The following TMEM44 variants were observed in gnomAD, a reference collection of about 807,000 sequenced individuals.
The protein encoded by TMEM44 is transmembrane protein 44.
A neutral mutation model predicts 47.8 loss-of-function variants in TMEM44; 43 were observed. The ratio of observed to expected loss-of-function variants is 0.90; its 90% confidence interval spans 0.70 to 1.16. TMEM44 has a LOEUF of 1.16. Ranked by LOEUF, TMEM44 falls within the 50% of genes most tolerant of loss-of-function variation. The pLI is 0.00. For missense variants in TMEM44, 568 were observed against 555.2 expected (o/e 1.02, Z -0.23); for synonymous variants, 277 against 238.8 (o/e 1.16, Z -1.48).
chr3:194,600,682 C>T (rs55928086), intron 9 of TMEM44, among the ~76,000 whole-genome samples: 63,201 of 151,736 alleles, frequency 0.42, 13,803 homozygotes, highest in East Asian at 0.77. Flanking sequence ...ACCTGGGAGG[C>T]GGAGATTGCA....
At chr3:194,616,963 C>T (rs1715964914) in intron 6 of TMEM44, 136 bp downstream of exon 6, 1 of 997,776 alleles carries the variant, frequency 1.0e-6, no homozygotes, top group Admixed American at 3.3e-5. Flanking sequence ...CTGCCCCAAG[C>T]TTCAAACCAC....
rs1553824476 is a variant in TMEM44, at chr3:194,594,165, A to ATATC, written c.1177-5530_1177-5527dup. ...TATCTATCTATCTATCTATCTATCT[A>ATATC]TATCTATCTATCTGTGTATGATGGA... On this transcript the variant is annotated intron_variant, in intron 9 of 9. Transcript: ENST00000347147. Among the ~76,000 whole-genome samples, 745 of 76,520 alleles carry ATATC rather than the reference A, an allele frequency of 9.7e-3. 6 individuals carry two copies. Among genetic ancestry groups the ATATC allele is most frequent in the African/African-American group, 0.024 (699 of 28,770 alleles). The allele number at this position is 76,520 out of a possible 152,430, so 50.2% of individuals were successfully genotyped here.
At chr3:194,616,198 C>G (rs553286300) in intron 6 of TMEM44, among the ~76,000 whole-genome samples, 2 of 152,058 alleles carry the variant, frequency 1.3e-5, no homozygotes, top group African/African-American at 4.8e-5. Context: ...ATTACGGGCA[C>G]CTGCCATCAT....
At chr3:194,622,096 C>T (rs1012225128) in intron 5 of TMEM44, among the ~76,000 whole-genome samples, 4 of 152,252 alleles carry the variant, frequency 2.6e-5, no homozygotes, top group Non-Finnish European at 4.4e-5. Flanking sequence ...GAACAGTTGT[C>T]TCAGAGTCGT....
At chr3:194,625,804 G>A (rs1717101641) in intron 3 of TMEM44, 93 bp downstream of exon 3, 2 of 1,162,792 alleles carry the variant, frequency 1.7e-6, no homozygotes, top group African/African-American at 3.0e-5. Flanking sequence ...GTGCCTGGCT[G>A]GGGCCCGCTC....
chr3:194,593,139 A>G, intron 9 of TMEM44: 1 of 1,548,676 alleles, frequency 6.5e-7, no homozygotes, highest in Non-Finnish European at 8.9e-7. Context: ...ACAGCAGAGC[A>G]GAGCTCAGGA....
At chr3:194,629,983 C>G (rs13078754) in intron 1 of TMEM44, among the ~76,000 whole-genome samples, 1 of 65,190 alleles carries the variant, frequency 1.5e-5, no homozygotes, top group African/African-American at 6.2e-5. Context: ...TGATAGGGCC[C>G]CTGAAATAGT....
intron 2 of TMEM44, among the ~76,000 whole-genome samples, chr3:194,626,850 A>AT (rs1177082454): frequency 4.3e-5 from 6 of 141,100 alleles, no homozygotes; most frequent in Non-Finnish European, 7.7e-5. Flanking sequence ...CGCCCGGCTA[A>AT]TTTTTTTTTG....
intron 6 of TMEM44, chr3:194,616,396 T>TA: frequency 2.9e-6 from 1 of 348,180 alleles, no homozygotes; most frequent in Non-Finnish European, 5.7e-6. Context: ...CTGATACAAT[T>TA]AGACAATGAA....
chr3:194,604,667 C>G (rs898823), intron 8 of TMEM44, among the ~76,000 whole-genome samples: 19,330 of 152,230 alleles, frequency 0.13, 2,773 homozygotes, highest in African/African-American at 0.36. Flanking sequence ...ACAACCAAAT[C>G]CACGTACACA....
chr3:194,621,313 G>A (rs984972737), intron 5 of TMEM44, among the ~76,000 whole-genome samples: 2 of 152,136 alleles, frequency 1.3e-5, no homozygotes, highest in Admixed American at 1.3e-4. Context: ...TGGCCCTGCC[G>A]GCACCTTGCT....
At chr3:194,606,487 A>C (rs1190750059) in intron 8 of TMEM44, among the ~76,000 whole-genome samples, 1 of 152,194 alleles carries the variant, frequency 6.6e-6, no homozygotes, top group Non-Finnish European at 1.5e-5. Flanking sequence ...GGCAGCACAG[A>C]GAGCATATTC....
intron 7 of TMEM44, among the ~76,000 whole-genome samples, 193 bp downstream of exon 7, chr3:194,615,376 G>A (rs1715765577): frequency 6.6e-6 from 1 of 152,210 alleles, no homozygotes; most frequent in Non-Finnish European, 1.5e-5. Flanking sequence ...TAAACAGGAA[G>A]GGCCCGTTAC....
chr3:194,630,464 A>C (rs571214307), intron 1 of TMEM44, among the ~76,000 whole-genome samples: 1 of 26,218 alleles, frequency 3.8e-5, no homozygotes, highest in Admixed American at 4.4e-4. Flanking sequence ...GGCTGTTTCC[A>C]TCGGCGTCAC....
Position 194,623,984 on chromosome 3 carries a change from G to C in TMEM44, c.359-289C>G, listed in dbSNP as rs142387819. 2.5e-3 allele frequency among the ~76,000 whole-genome samples: 374 copies of C among 152,276 alleles called. 2 individuals carry two copies. The highest frequency in any genetic ancestry group is 8.6e-3 in the African/African-American group (358 of 41,540). On this transcript the variant is annotated intron_variant, in intron 3 of 9. Transcript: ENST00000347147. Reference sequence around the variant, plus strand: ...CTCTCTATGCATCTGCGTGCAGACAGCAGTGCCTCTTCTGGACTAGAGCGC... The same window carrying C: ...CTCTCTATGCATCTGCGTGCAGACACCAGTGCCTCTTCTGGACTAGAGCGC...
Position 194,588,334 on chromosome 3 carries a change from T to C in TMEM44, c.*195A>G. ...CGAATGCTGGGCCTATCCAGGTCTGTCCGCAGTACCCAAAGTCGTAGCTCC... is the reference window on the plus strand; with the variant it reads ...CGAATGCTGGGCCTATCCAGGTCTGCCCGCAGTACCCAAAGTCGTAGCTCC... On this transcript the variant is annotated 3_prime_UTR_variant, in exon 10 of 10. Coordinates refer to ENST00000347147, the MANE Select transcript of TMEM44 (RefSeq NM_001011655.3). 3.4e-6 allele frequency: 2 copies of C among 582,308 alleles called. No individual in the cohort carries two copies. Among genetic ancestry groups the C allele is most frequent in the Non-Finnish European group, 6.1e-6 (2 of 328,100 alleles). The allele number at this position is 582,308 out of a possible 1,614,324, so 36.1% of individuals were successfully genotyped here.
chr3:194,628,259 G>A, intron 2 of TMEM44, 124 bp downstream of exon 2: 1 of 1,314,906 alleles, frequency 7.6e-7, no homozygotes. Flanking sequence ...CACAGGTTCT[G>A]AGGTGACACT....
At position 194,623,625 on chromosome 3, in the gene TMEM44, C is replaced by T; in HGVS notation, c.429G>A (p.Leu143=). Residue 143 remains leucine, a synonymous_variant, in exon 4 of 10, where the codon CTG becomes CTA. Coordinates refer to ENST00000347147, the MANE Select transcript of TMEM44 (RefSeq NM_001011655.3). ...ACAGAGCCCAGCACGGGCCCAGGCT[C>T]AGCGGCAGGGCCAGGGCAAACACAC... The part of the protein sequence containing the change: ...RASVFALALP[L]SLGPCWALWV... The T allele has an allele frequency of 1.2e-6, 2 of 1,612,984 alleles. No homozygotes were observed.
chr3:194,619,042 G>T (rs1716250326), intron 5 of TMEM44, among the ~76,000 whole-genome samples: 1 of 152,230 alleles, frequency 6.6e-6, no homozygotes, highest in Non-Finnish European at 1.5e-5. Context: ...AGAGGTGCTT[G>T]GGGCCCCCCG....
Sources: gnomAD v4.1 joint callset for allele counts (sites outside exome capture counted in the v4.1 genomes callset) on GRCh38, gnomAD v4.1.1 for gene constraint, MANE v1.5 for transcripts, NCBI Gene and HGNC (gene_info 2026-07-23, HGNC 2026-07-21) for gene names.